The following BLTP3A variants were observed in gnomAD, a reference collection of about 807,000 sequenced individuals.
The protein encoded by BLTP3A is bridge-like lipid transfer protein family member 3A.
At chr6:34,870,418 GT>G in the BLTP3A span, among the ~76,000 whole-genome samples, 1 of 152,322 alleles carries the variant, frequency 6.6e-6, no homozygotes, top group Admixed American at 6.5e-5. Context: ...TCTGTTTGGA[GT>G]TTTGGAGAGA....
At chr6:34,813,878 C>T in the BLTP3A span, among the ~76,000 whole-genome samples, 10 of 152,264 alleles carry the variant, frequency 6.6e-5, no homozygotes, top group African/African-American at 1.9e-4. Flanking sequence ...TTTCCCTCTC[C>T]AGGTGATGAG....
the BLTP3A span, among the ~76,000 whole-genome samples, chr6:34,829,417 T>G: frequency 1.1e-4 from 17 of 152,330 alleles, no homozygotes; most frequent in Non-Finnish European, 2.4e-4. Context: ...GGCATAACCT[T>G]AAAAAGGAAT....
chr6:34,851,004 T>G, the BLTP3A span, among the ~76,000 whole-genome samples: 1 of 152,122 alleles, frequency 6.6e-6, no homozygotes, highest in Admixed American at 6.6e-5. Flanking sequence ...CTCTGCTTGA[T>G]TTTTAGAAAT....
At chr6:34,863,967 C>G in the BLTP3A span, 1 of 1,549,738 alleles carries the variant, frequency 6.5e-7, no homozygotes. Flanking sequence ...GTCTCCAAAG[C>G]CACATTTGTG....
chr6:34,823,231 T>C, the BLTP3A span: 3 of 1,583,592 alleles, frequency 1.9e-6, no homozygotes, highest in East Asian at 6.7e-5. Flanking sequence ...GTGTAAATGC[T>C]TAGTTCTCCT....
the BLTP3A span, chr6:34,857,895 G>A: frequency 3.0e-5 from 49 of 1,613,452 alleles, no homozygotes; most frequent in Admixed American, 2.2e-4. Flanking sequence ...TTGGACATCC[G>A]ACTAGATGCA....
At chr6:34,817,288 A>G in the BLTP3A span, among the ~76,000 whole-genome samples, 1 of 152,224 alleles carries the variant, frequency 6.6e-6, no homozygotes. Flanking sequence ...CCTCTGTGGC[A>G]AGTTGTTTTC....
the BLTP3A span, among the ~76,000 whole-genome samples, chr6:34,809,504 C>T: frequency 6.6e-6 from 1 of 152,192 alleles, no homozygotes; most frequent in Non-Finnish European, 1.5e-5. Flanking sequence ...AGTCCCCATG[C>T]ATAGTTGAAA....
At chr6:34,834,447 A>G in the BLTP3A span, 1 of 1,604,030 alleles carries the variant, frequency 6.2e-7, no homozygotes. Context: ...ATGGGGGAAT[A>G]TTCAAAGTCA....
At chr6:34,794,941 C>T in the BLTP3A span, among the ~76,000 whole-genome samples, 41 of 151,676 alleles carry the variant, frequency 2.7e-4, no homozygotes, top group African/African-American at 6.5e-4. Context: ...TGCGCCACCA[C>T]GCCCAGCTAA....
the BLTP3A span, among the ~76,000 whole-genome samples, chr6:34,848,999 C>CTT: frequency 1.2e-4 from 6 of 50,408 alleles, no homozygotes; most frequent in Non-Finnish European, 1.4e-4. Context: ...TTTTCTTTTT[C>CTT]TTTTTTTTTT....
chr6:34,839,622 C>T, the BLTP3A span, among the ~76,000 whole-genome samples: 1 of 152,238 alleles, frequency 6.6e-6, no homozygotes, highest in African/African-American at 2.4e-5. Flanking sequence ...GGGCAGATAG[C>T]CGAAAGAACA....
the BLTP3A span, among the ~76,000 whole-genome samples, chr6:34,805,181 C>T: frequency 2.6e-5 from 4 of 152,000 alleles, no homozygotes; most frequent in African/African-American, 9.7e-5. Flanking sequence ...GTAGTCCCAG[C>T]TACTTGGGAG....
At chr6:34,847,813 T>C in the BLTP3A span, among the ~76,000 whole-genome samples, 1 of 150,936 alleles carries the variant, frequency 6.6e-6, no homozygotes, top group Non-Finnish European at 1.5e-5. Flanking sequence ...GTATTTATTA[T>C]TATTTATTTT....
At chr6:34,817,096 C>T in the BLTP3A span, among the ~76,000 whole-genome samples, 3 of 152,210 alleles carry the variant, frequency 2.0e-5, no homozygotes, top group Admixed American at 1.3e-4. Context: ...ACTACTGTCT[C>T]CTCAGAGTCC....
At chr6:34,849,573 G>T in the BLTP3A span, among the ~76,000 whole-genome samples, 1 of 152,010 alleles carries the variant, frequency 6.6e-6, no homozygotes, top group East Asian at 1.9e-4. Context: ...TCATCTTTTA[G>T]TCTTTCTATT....
chr6:34,864,163 A>G, the BLTP3A span: 1 of 1,614,046 alleles, frequency 6.2e-7, no homozygotes, highest in South Asian at 1.1e-5. Context: ...GTGGACAGTG[A>G]TGGCAGTGAT....
At chr6:34,861,040 T>C in the BLTP3A span, among the ~76,000 whole-genome samples, 1 of 152,200 alleles carries the variant, frequency 6.6e-6, no homozygotes, top group Non-Finnish European at 1.5e-5. Context: ...GGAGTCTTCT[T>C]TTTCCTTGGC....
the BLTP3A span, among the ~76,000 whole-genome samples, chr6:34,847,433 C>T: frequency 6.6e-6 from 1 of 151,930 alleles, no homozygotes; most frequent in Non-Finnish European, 1.5e-5. Flanking sequence ...GCTATTGGGT[C>T]CTGGGCTTTT....
Sources: allele counts gnomAD v4.1 joint callset (sites outside exome capture counted in the v4.1 genomes callset), GRCh38; gene constraint gnomAD v4.1.1; transcripts MANE v1.5; gene names NCBI Gene and HGNC (gene_info 2026-07-23, HGNC 2026-07-21).